MYO9B: variants seen among roughly 807,000 people sequenced by gnomAD.
The protein encoded by MYO9B is myosin IXB.
Under a neutral mutation model 229.5 loss-of-function variants are expected in MYO9B, and 71 were observed. The ratio of observed to expected loss-of-function variants is 0.31; its 90% CI spans 0.26 to 0.38. MYO9B has a LOEUF of 0.38. MYO9B is among the 10% of genes least tolerant of loss of function. The pLI is 1.00. For missense variants in MYO9B, 2,255 were observed against 2,920.5 expected, an observed-to-expected ratio of 0.77 and a Z score of 5.25; for synonymous variants, 1,185 against 1,235.8, an observed-to-expected ratio of 0.96 and a Z score of 0.86.
intron 35 of MYO9B, 157 bp downstream of exon 35, chr19:17,207,401 G>A (rs984095156): frequency 5.9e-6 from 6 of 1,020,324 alleles, no homozygotes; most frequent in Middle Eastern, 2.2e-4. Flanking sequence ...GGGAGGCCAA[G>A]GCAAGAGGAT....
intron 17 of MYO9B, among the ~76,000 whole-genome samples, chr19:17,185,651 C>T (rs1357507001): frequency 6.6e-6 from 1 of 152,196 alleles, no homozygotes; most frequent in Non-Finnish European, 1.5e-5. Context: ...TGGTCCTCCC[C>T]AGCCCCAGCC....
At position 17,205,383 on chromosome 19, in the gene MYO9B, G is replaced by T. The variant is rs73931845; in HGVS notation, c.5064+47G>T. ...CTTTCTACAATGACACTCCACTCAC[G>T]GCCAGGTGCACCAGGAGGTGGTGCT... On this transcript the variant is annotated intron_variant, in intron 31 of 39. Coordinates refer to ENST00000682292, the MANE Select transcript of MYO9B (RefSeq NM_004145.4). The T allele has an allele frequency of 2.4e-3, 3,748 of 1,566,586 alleles. 71 individuals carry two copies. In the African/African-American group the frequency reaches 0.037, roughly 16 times the overall value.
In MYO9B at chr19:17,212,078, C is replaced by A; in HGVS notation, c.6242C>A (p.Pro2081His). 6.3e-7 allele frequency: 1 copy of A among 1,596,772 alleles called. No individual in the cohort carries two copies. The highest frequency in any genetic ancestry group is 8.5e-7 in the Non-Finnish European group (1 of 1,173,402). The change falls in exon 40 of 40, where the codon CCT (proline) becomes CAT (histidine). Residue 2081 changes from proline (P) to histidine (H), a missense_variant. Transcript: ENST00000682292. The surrounding 1 kb of genome is among the most constrained non-coding windows in gnomAD (Gnocchi z 5.4). ...KLPPGLPSHLPRWAPGAREAA... is the reference protein window; with the variant it reads ...KLPPGLPSHLHRWAPGAREAA... ...CCACCAGGCCTGCCCTCCCACCTGCCTCGCTGGGCACCGGGTGCCCGGGAG... is the reference window on the plus strand; with the variant it reads ...CCACCAGGCCTGCCCTCCCACCTGCATCGCTGGGCACCGGGTGCCCGGGAG...
rs573184426 is a variant in MYO9B at position 17,091,116 on chromosome 19, C to T, written c.-58-10544C>T. On this transcript the variant is annotated intron_variant, in intron 1 of 39. Transcript: ENST00000682292. ...GAGGCGGACCACATGTATAAAATAACGCCATGTGTAGTATTTAACAAAGGA... is the reference window on the plus strand; with the variant it reads ...GAGGCGGACCACATGTATAAAATAATGCCATGTGTAGTATTTAACAAAGGA... Among the ~76,000 whole-genome samples the T allele has an allele frequency of 9.2e-5, 14 of 152,330 alleles. 2 individuals carry two copies. The East Asian group carries it at 1.7e-3, about 19-fold the overall frequency.
At chr19:17,206,225 G>GTGGGCCCCCCC in intron 32 of MYO9B, 23 bp from the exon 33 acceptor site, 19 of 1,564,624 alleles carry the variant, frequency 1.2e-5, no homozygotes, top group Non-Finnish European at 1.4e-5. Flanking sequence ...CCGCTCACCA[G>GTGGGCCCCCCC]ACCCACCCCA....
At chr19:17,141,982 G>A (rs2072345817) in intron 2 of MYO9B, among the ~76,000 whole-genome samples, 1 of 152,160 alleles carries the variant, frequency 6.6e-6, no homozygotes, top group Non-Finnish European at 1.5e-5. Context: ...TTCAAGACCA[G>A]CCTGGGCAAC....
chr19:17,171,898 C>A (rs561023368), intron 11 of MYO9B, among the ~76,000 whole-genome samples: 1 of 152,312 alleles, frequency 6.6e-6, no homozygotes, highest in African/African-American at 2.4e-5. Context: ...CGTACCACTA[C>A]ACTATAGCCT....
chr19:17,178,773 C>T (rs1220746022), intron 14 of MYO9B, among the ~76,000 whole-genome samples: 1 of 152,102 alleles, frequency 6.6e-6, no homozygotes, highest in African/African-American at 2.4e-5. Flanking sequence ...TGGCTCACCC[C>T]TGTAATCCCA....
At chr19:17,198,059 T>A in intron 23 of MYO9B, 125 bp from the exon 24 acceptor site, 1 of 1,430,724 alleles carries the variant, frequency 7.0e-7, no homozygotes, top group Non-Finnish European at 9.3e-7. Flanking sequence ...TGAGACTCCG[T>A]TTCAAAAAAA....
Position 17,210,800 on chromosome 19 carries a change from G to T in MYO9B, c.5882G>T (p.Arg1961Leu). 2 of 1,595,010 alleles carry T rather than the reference G, an allele frequency of 1.3e-6. No homozygotes were observed. The highest frequency in any genetic ancestry group is 1.8e-5 in the Admixed American group (1 of 56,818). ...EEEAAGGDED[R>L]EKEILIERIQ... Reference sequence around the variant, plus strand: ...GAGGCAGCCGGCGGCGATGAGGACCGGGAAAAGGAGATTCTCATTGAACGG... The same window carrying T: ...GAGGCAGCCGGCGGCGATGAGGACCTGGAAAAGGAGATTCTCATTGAACGG... The change falls in exon 38 of 40, where the codon CGG becomes CTG. Residue 1961 changes from arginine to leucine, a missense_variant. Physicochemically the swap from Arg to Leu is moderately radical, Grantham distance 102. Transcript: ENST00000682292.
intron 19 of MYO9B, among the ~76,000 whole-genome samples, chr19:17,189,161 CAA>C (rs35791077): frequency 3.0e-5 from 4 of 133,754 alleles, no homozygotes; most frequent in African/African-American, 5.6e-5. Context: ...AACTCTGCCT[CAA>C]AAAAAAAAAA....
intron 10 of MYO9B, among the ~76,000 whole-genome samples, chr19:17,165,456 T>G (rs531994453): frequency 6.6e-6 from 1 of 151,874 alleles, no homozygotes; most frequent in East Asian, 1.9e-4. Flanking sequence ...ATGCTAACAA[T>G]ACCAGTGGTT....
chr19:17,082,096 G>T (rs898741307), intron 1 of MYO9B, among the ~76,000 whole-genome samples: 5 of 152,200 alleles, frequency 3.3e-5, no homozygotes, highest in Non-Finnish European at 1.5e-5. Flanking sequence ...TTTCTGGAAG[G>T]TCTTAAAATC....
In MYO9B at chr19:17,172,354, C is replaced by G; in HGVS notation, c.1812C>G (p.Ser604Arg). Residue 604 changes from serine (S) to arginine (R), a missense_variant, in exon 12 of 40, where the codon AGC becomes AGG. Physicochemically the swap from Ser to Arg is moderately radical, Grantham distance 110 (BLOSUM62 -1). Transcript: ENST00000682292. The surrounding 1 kb of genome is among the most constrained non-coding windows in gnomAD (Gnocchi z 8.2). ...TTCCCAGCTTCCCCCACGCCACGAG[C>G]CAGACCCTGCTGGCCAAGTTCAAAC... The part of the protein sequence containing the change: ...DEESNFPHAT[S>R]QTLLAKFKQQ... The G allele has an allele frequency of 1.2e-6, 2 of 1,614,016 alleles. No homozygotes were observed. Among genetic ancestry groups the G allele is most frequent in the Non-Finnish European group, 1.7e-6 (2 of 1,179,880 alleles).
intron 15 of MYO9B, among the ~76,000 whole-genome samples, chr19:17,182,150 G>A (rs371954764): frequency 2.0e-5 from 3 of 150,586 alleles, no homozygotes; most frequent in African/African-American, 7.3e-5. Context: ...AACGATCACC[G>A]CTCACGGCAG....
At chr19:17,107,389 C>A (rs948891016) in intron 2 of MYO9B, among the ~76,000 whole-genome samples, 4 of 152,176 alleles carry the variant, frequency 2.6e-5, no homozygotes, top group Non-Finnish European at 5.9e-5. Flanking sequence ...CAAAGTGGCA[C>A]GGCCAGGAGG....
chr19:17,097,063 GGAGGCC>G (rs1368359721), intron 1 of MYO9B, among the ~76,000 whole-genome samples: 4 of 151,808 alleles, frequency 2.6e-5, no homozygotes, highest in Admixed American at 2.6e-4. Flanking sequence ...CAGCACTTTG[GGAGGCC>G]GAGGCGGGTG....
At chr19:17,134,377 G>GTTTTTTTTT (rs1568267173) in intron 2 of MYO9B, among the ~76,000 whole-genome samples, 15 of 39,722 alleles carry the variant, frequency 3.8e-4, no homozygotes, top group African/African-American at 1.4e-3. Context: ...TTTTCGTTTT[G>GTTTTTTTTT]TTTGTTTTTT....
intron 4 of MYO9B, 119 bp from the exon 5 acceptor site, chr19:17,153,847 CT>C: frequency 2.8e-6 from 2 of 727,036 alleles, no homozygotes; most frequent in Non-Finnish European, 4.9e-6. Flanking sequence ...AACTGACGTA[CT>C]GTTTTAAATT....
Sources: gnomAD v4.1 joint callset for allele counts (sites outside exome capture counted in the v4.1 genomes callset) on GRCh38, gnomAD v4.1.1 for gene constraint, Gnocchi (gnomAD v3.1) non-coding constraint, MANE v1.5 for transcripts, NCBI Gene and HGNC (gene_info 2026-07-23, HGNC 2026-07-21) for gene names.